The following SAMD12 variants were observed in gnomAD, a reference collection of about 807,000 sequenced individuals.
SAMD12 encodes sterile alpha motif domain containing 12.
A neutral mutation model predicts 15.0 loss-of-function variants in SAMD12; 9 were observed. The ratio of observed to expected loss-of-function variants is 0.60; its 90% CI spans 0.36 to 1.05. The LOEUF (loss-of-function observed/expected upper bound fraction) is 1.05. Ranked by LOEUF, SAMD12 falls within the 50% of genes least tolerant of loss-of-function variation. The probability of loss-of-function intolerance (pLI) is 0.01; values close to 1 mark genes in which losing one functional copy is unlikely to be tolerated. For synonymous variants in SAMD12, 86 were observed against 90.1 expected, an observed-to-expected ratio of 0.96 and a Z score of 0.25; for missense variants, 230 against 234.2, an observed-to-expected ratio of 0.98 and a Z score of 0.12.
chr8:118,582,760 T>A (rs1421006373), intron 1 of SAMD12, among the ~76,000 whole-genome samples: 1 of 152,204 alleles, frequency 6.6e-6, no homozygotes, highest in Non-Finnish European at 1.5e-5. Context: ...CCATTTAGTA[T>A]ACACGATTTC....
intron 3 of SAMD12, among the ~76,000 whole-genome samples, chr8:118,418,904 A>T (rs1236512039): frequency 6.6e-6 from 1 of 152,192 alleles, no homozygotes; most frequent in Non-Finnish European, 1.5e-5. Context: ...TTTGCTAATT[A>T]TCTCAAAAAA....
At position 118,515,032 on chromosome 8, in the gene SAMD12, G is replaced by A. The variant is rs183696349; in HGVS notation, c.192+65683C>T. On this transcript the variant is annotated intron_variant, in intron 2 of 3. Coordinates refer to ENST00000314727, the MANE Select transcript of SAMD12 (RefSeq NM_207506.3). The stretch of plus-strand genomic sequence containing the variant: ...TGTTTGTTTGTTTGTTTGTTTGTTT[G>A]TTTTGAGACGGAGTCTCACTCTGTC... Among the ~76,000 whole-genome samples the A allele has an allele frequency of 4.4e-4, 51 of 117,076 alleles. 1 individual carries two copies. In the East Asian group the frequency reaches 0.011, roughly 25 times the overall value. The allele number at this position is 117,076 out of a possible 152,430, so 76.8% of individuals were successfully genotyped here. A position where few individuals can be genotyped will look rare whatever the true frequency, so the allele number is the denominator to read the frequency against.
At position 118,235,786 on chromosome 8, in the gene SAMD12, A is replaced by T. The variant is rs755636994; in HGVS notation, c.434-38054T>A. Among the ~76,000 whole-genome samples the T allele has an allele frequency of 5.1e-4, 78 of 152,272 alleles. 2 individuals carry two copies. The highest frequency in any genetic ancestry group is 1.9e-4 in the Non-Finnish European group (13 of 68,002). ...CCACCTGGGAAACAGGCAAATAAAC[A>T]TCCAGTATTCACAGCTCACTTGGGA... On this transcript the variant is annotated intron_variant, in intron 4 of 4. Transcript: ENST00000409003.
chr8:118,387,377 C>T (rs1820019788), intron 3 of SAMD12, among the ~76,000 whole-genome samples: 1 of 152,108 alleles, frequency 6.6e-6, no homozygotes, highest in African/African-American at 2.4e-5. Flanking sequence ...AGGACTTTTG[C>T]AACTTGGAAC....
chr8:118,605,764 CAATATA>C, intron 1 of SAMD12, among the ~76,000 whole-genome samples: 1 of 81,594 alleles, frequency 1.2e-5, no homozygotes, highest in African/African-American at 5.1e-5. Context: ...AAACCCATCA[CAATATA>C]TATATATATA....
intron 4 of SAMD12, among the ~76,000 whole-genome samples, chr8:118,260,774 T>C (rs1024083526): frequency 4.5e-4 from 68 of 152,076 alleles, no homozygotes; most frequent in African/African-American, 1.6e-3. Context: ...TTCTTCATAC[T>C]GGTCTCTCTC....
At chr8:118,333,864 G>C (rs1163434536) in intron 4 of SAMD12, among the ~76,000 whole-genome samples, 1 of 148,864 alleles carries the variant, frequency 6.7e-6, no homozygotes, top group Non-Finnish European at 1.5e-5. Context: ...GGGTATGTCT[G>C]TGTGTGTGTG....
At chr8:118,511,630 G>C (rs1252426963) in intron 2 of SAMD12, among the ~76,000 whole-genome samples, 1 of 151,992 alleles carries the variant, frequency 6.6e-6, no homozygotes, top group East Asian at 1.9e-4. Context: ...AGCTTCTATA[G>C]CAAGCTTTAA....
chr8:118,132,490 TC>T, the SAMD12 span, among the ~76,000 whole-genome samples: 1 of 152,196 alleles, frequency 6.6e-6, no homozygotes, highest in East Asian at 1.9e-4. Flanking sequence ...TCCAGAGCAT[TC>T]CGAGCATTGG....
intron 4 of SAMD12, among the ~76,000 whole-genome samples, chr8:118,362,579 A>G (rs949264429): frequency 6.6e-6 from 1 of 152,220 alleles, no homozygotes; most frequent in African/African-American, 2.4e-5. Context: ...ATCTCCATAT[A>G]CTACCTTCAC....
At chr8:118,313,719 A>T (rs1223194382) in intron 4 of SAMD12, among the ~76,000 whole-genome samples, 1 of 152,122 alleles carries the variant, frequency 6.6e-6, no homozygotes, top group Non-Finnish European at 1.5e-5. Flanking sequence ...TGAAGAGAAC[A>T]TCTCCTGTGA....
chr8:118,425,956 C>T (rs746830285), intron 3 of SAMD12, among the ~76,000 whole-genome samples: 2 of 152,124 alleles, frequency 1.3e-5, no homozygotes, highest in Admixed American at 6.5e-5. Flanking sequence ...GAACATTTTC[C>T]GGTGCCCCTG....
chr8:118,416,778 C>A (rs372479734), intron 3 of SAMD12, among the ~76,000 whole-genome samples: 7 of 152,208 alleles, frequency 4.6e-5, no homozygotes, highest in African/African-American at 1.7e-4. Flanking sequence ...CCCTTCAATC[C>A]TTAGCATCTA....
intron 2 of SAMD12, among the ~76,000 whole-genome samples, chr8:118,561,444 T>C (rs995770550): frequency 6.6e-6 from 1 of 152,232 alleles, no homozygotes; most frequent in Non-Finnish European, 1.5e-5. Flanking sequence ...AAGACATACC[T>C]GAGACTGAGT....
At chr8:118,369,843 T>C (rs1324480655) in intron 4 of SAMD12, among the ~76,000 whole-genome samples, 3 of 152,108 alleles carry the variant, frequency 2.0e-5, no homozygotes, top group African/African-American at 7.2e-5. Flanking sequence ...GGCAATACTA[T>C]TGAGGACATA....
chr8:118,593,292 GT>G (rs755027925), intron 1 of SAMD12, among the ~76,000 whole-genome samples: 25 of 152,040 alleles, frequency 1.6e-4, no homozygotes, highest in Non-Finnish European at 3.4e-4. Flanking sequence ...GTAGTTCAAA[GT>G]TCAATGGAGC....
chr8:118,569,107 T>C (rs533532498), intron 2 of SAMD12, among the ~76,000 whole-genome samples: 38 of 152,304 alleles, frequency 2.5e-4, no homozygotes, highest in African/African-American at 8.2e-4. Context: ...AAAATGCAAA[T>C]TTGGTGCAGG....
At chr8:118,160,965 C>T in the SAMD12 span, among the ~76,000 whole-genome samples, 1 of 152,052 alleles carries the variant, frequency 6.6e-6, no homozygotes, top group African/African-American at 2.4e-5. Context: ...CACAACAGTC[C>T]CCAGTGTGTG....
intron 4 of SAMD12, among the ~76,000 whole-genome samples, chr8:118,292,357 C>A (rs796960414): frequency 1.5e-5 from 2 of 136,094 alleles, no homozygotes; most frequent in Non-Finnish European, 3.0e-5. Flanking sequence ...CAGACACACA[C>A]ACACACACAC....
Sources: allele counts gnomAD v4.1 joint callset (sites outside exome capture counted in the v4.1 genomes callset), GRCh38; gene constraint gnomAD v4.1.1; transcripts MANE v1.5; gene names NCBI Gene and HGNC (gene_info 2026-07-23, HGNC 2026-07-21).